The following EPM2A variants were observed in gnomAD, a reference collection of about 807,000 sequenced individuals.
The protein encoded by EPM2A is laforin.
EPM2A carries 21 observed loss-of-function variants against 26.5 expected under a neutral mutation model. The ratio of observed to expected loss-of-function variants is 0.79; its 90% confidence interval spans 0.56 to 1.14. The LOEUF (loss-of-function observed/expected upper bound fraction) is 1.14, where lower values mean the gene tolerates loss of function less well. Ranked by LOEUF, EPM2A falls within the 50% of genes most tolerant of loss-of-function variation. The pLI is 0.00. For missense variants in EPM2A, 458 were observed against 440.8 expected (o/e 1.04, Z -0.35); for synonymous variants, 217 against 177.6 (o/e 1.22, Z -1.76).
At chr6:145,400,684 C>T (rs768030845) in intron 4 of EPM2A, among the ~76,000 whole-genome samples, 5 of 152,172 alleles carry the variant, frequency 3.3e-5, no homozygotes, top group African/African-American at 4.8e-5. Flanking sequence ...GAACATGGAA[C>T]ATAGGCAACA....
At chr6:145,618,390 C>T (rs911201092) in intron 2 of EPM2A, among the ~76,000 whole-genome samples, 19 of 152,208 alleles carry the variant, frequency 1.2e-4, no homozygotes, top group Admixed American at 4.6e-4. Context: ...CAGTACAAAT[C>T]GTAAAGACCC....
intron 4 of EPM2A, among the ~76,000 whole-genome samples, chr6:145,456,493 C>T (rs1779264244): frequency 6.6e-6 from 1 of 152,144 alleles, no homozygotes; most frequent in South Asian, 2.1e-4. Context: ...GAAGAACTTT[C>T]CAAATGAATA....
At chr6:145,505,296 A>T (rs1408430199) in intron 2 of EPM2A, among the ~76,000 whole-genome samples, 1 of 152,172 alleles carries the variant, frequency 6.6e-6, no homozygotes, top group African/African-American at 2.4e-5. Context: ...GAAAAGGTGC[A>T]TGAATAGTAC....
chr6:145,729,956 C>T (rs1407909376), intron 1 of EPM2A, among the ~76,000 whole-genome samples: 1 of 152,092 alleles, frequency 6.6e-6, no homozygotes, highest in African/African-American at 2.4e-5. Flanking sequence ...CCTTGCTATT[C>T]TCATGATGAT....
chr6:145,673,270 G>T (rs1779780853), intron 2 of EPM2A, among the ~76,000 whole-genome samples: 1 of 152,132 alleles, frequency 6.6e-6, no homozygotes, highest in African/African-American at 2.4e-5. Flanking sequence ...AGGAGTGTGG[G>T]ATGATAAACT....
At chr6:145,553,378 C>T (rs771833647) in intron 2 of EPM2A, among the ~76,000 whole-genome samples, 1 of 152,090 alleles carries the variant, frequency 6.6e-6, no homozygotes, top group Non-Finnish European at 1.5e-5. Flanking sequence ...TCAAATTGAA[C>T]CTTTATTCCC....
intron 4 of EPM2A, among the ~76,000 whole-genome samples, chr6:145,389,513 C>A (rs1248286707): frequency 6.6e-6 from 1 of 152,102 alleles, no homozygotes; most frequent in African/African-American, 2.4e-5. Context: ...TTTTAACATA[C>A]AAACACTTTC....
chr6:145,512,122 T>C (rs761770406), intron 2 of EPM2A, among the ~76,000 whole-genome samples: 1 of 151,634 alleles, frequency 6.6e-6, no homozygotes, highest in Non-Finnish European at 1.5e-5. Flanking sequence ...ATGACACAAA[T>C]AAATGGGAAA....
intron 3 of EPM2A, chr6:145,629,436 T>TGGAGATGCAACAGGATGG (rs1329200000): frequency 6.6e-6 from 1 of 152,204 alleles, no homozygotes; most frequent in Non-Finnish European, 1.5e-5. Flanking sequence ...AAAATATCAC[T>TGGAGATGCAACAGGATGG]GGAGATGCAA....
intron 4 of EPM2A, among the ~76,000 whole-genome samples, chr6:145,440,736 A>G (rs1424250064): frequency 6.6e-6 from 1 of 152,244 alleles, no homozygotes; most frequent in African/African-American, 2.4e-5. Flanking sequence ...CAAATCTTAA[A>G]GCTCCAAAAT....
At chr6:145,447,145 TA>T (rs1370912069) in intron 4 of EPM2A, among the ~76,000 whole-genome samples, 13 of 152,064 alleles carry the variant, frequency 8.5e-5, no homozygotes, top group Admixed American at 4.6e-4. Flanking sequence ...TTGGCTAGTG[TA>T]AAAAAGATAC....
intron 1 of EPM2A, among the ~76,000 whole-genome samples, chr6:145,711,069 T>C (rs1301468402): frequency 1.3e-5 from 2 of 151,928 alleles, no homozygotes; most frequent in Non-Finnish European, 1.5e-5. Context: ...CAAGTATACA[T>C]ATGTAACAAA....
chr6:145,385,504 C>G (rs913932899), intron 4 of EPM2A, among the ~76,000 whole-genome samples: 7 of 152,054 alleles, frequency 4.6e-5, no homozygotes, highest in African/African-American at 1.2e-4. Context: ...TAGATTCAAA[C>G]AAAGTTACCA....
intron 2 of EPM2A, among the ~76,000 whole-genome samples, chr6:145,599,451 A>C (rs181239937): frequency 1.6e-4 from 24 of 151,818 alleles, no homozygotes; most frequent in Non-Finnish European, 1.5e-4. Flanking sequence ...GACTTCTTTA[A>C]CTTTTATCTT....
chr6:145,623,655 G>A (rs1420449335), downstream of EPM2A, among the ~76,000 whole-genome samples: 2 of 152,282 alleles, frequency 1.3e-5, no homozygotes, highest in African/African-American at 2.4e-5. Context: ...GGAGTGACAA[G>A]GCCTGAGTTA....
At chr6:145,633,185 C>G (rs935595185) in intron 3 of EPM2A, among the ~76,000 whole-genome samples, 5 of 152,102 alleles carry the variant, frequency 3.3e-5, no homozygotes, top group African/African-American at 1.2e-4. Context: ...GCGGGGGATG[C>G]GTGGCACAGT....
intron 1 of EPM2A, among the ~76,000 whole-genome samples, chr6:145,726,830 G>T (rs1234147986): frequency 2.0e-5 from 3 of 152,054 alleles, no homozygotes; most frequent in Non-Finnish European, 4.4e-5. Context: ...TATTGGAAGA[G>T]AAAAAGTATG....
intron 4 of EPM2A, among the ~76,000 whole-genome samples, chr6:145,409,642 C>T (rs1170697425): frequency 6.6e-6 from 1 of 152,110 alleles, no homozygotes; most frequent in African/African-American, 2.4e-5. Context: ...GTAATACTCA[C>T]TTATTATTAT....
In EPM2A at chr6:145,490,925, G is replaced by A. The variant is rs754582841; in HGVS notation, c.555+11597C>T. The A allele has an allele frequency of 3.3e-4, 243 of 747,496 alleles. No homozygotes were observed. The Middle Eastern group carries it at 7.7e-3, about 24-fold the overall frequency. 46.3% of individuals were successfully genotyped at this position (747,496 alleles called of 1,614,324 possible). On this transcript the variant is annotated intron_variant, in intron 4 of 4. Coordinates refer to the EPM2A transcript ENST00000638717. Reference sequence around the variant, plus strand: ...TAGAGCAGAATCATTAGAGGAACTTGTGTTCTGTGTGTACTTTATGGATGC... The same window carrying A: ...TAGAGCAGAATCATTAGAGGAACTTATGTTCTGTGTGTACTTTATGGATGC...
Sources: allele counts gnomAD v4.1 joint callset (sites outside exome capture counted in the v4.1 genomes callset), GRCh38; gene constraint gnomAD v4.1.1; transcripts MANE v1.5; gene names NCBI Gene and HGNC (gene_info 2026-07-23, HGNC 2026-07-21).